ADAMTSL5: variants seen among roughly 807,000 people sequenced by gnomAD.
ADAMTSL5 encodes ADAMTS-like protein 5.
In ADAMTSL5, 53 loss-of-function variants were observed where a neutral mutation model predicts 51.7. The ratio of observed to expected loss-of-function variants is 1.03; its 90% CI spans 0.82 to 1.29. The LOEUF (loss-of-function observed/expected upper bound fraction) is 1.29. Among genes scored for constraint, ADAMTSL5 ranks in the 50% most tolerant of loss-of-function variants. ADAMTSL5 has a pLI of 0.00. For synonymous variants in ADAMTSL5, 285 were observed against 278.7 expected (o/e 1.02, Z -0.23); for missense variants, 770 against 676.2 (o/e 1.14, Z -1.54).
chr19:1,510,152 C>A lies in ADAMTSL5; in HGVS notation c.359G>T (p.Gly120Val), dbSNP rs777683885. Reference protein sequence around the residue: ...QKTYQWVPFHGAPNQCDLNCL... With the variant: ...QKTYQWVPFHVAPNQCDLNCL... ...CCACAGGAGACCAGACTACTCACCC[C>A]CATGGAAGGGCACCCACTGGTAGGT... Residue 120 changes from glycine to valine, a missense_variant and splice_region_variant, in exon 5 of 12, where the codon GGG (glycine) becomes GTG (valine). By Grantham distance (109) the Gly-to-Val change is moderately radical. Coordinates refer to ENST00000330475, the MANE Select transcript of ADAMTSL5 (RefSeq NM_213604.3). The A allele has an allele frequency of 2.5e-6, 4 of 1,609,868 alleles. No individual in the cohort carries two copies. The South Asian group carries it at 3.3e-5, about 13-fold the overall frequency.
chr19:1,506,570 G>A lies in ADAMTSL5; in HGVS notation c.1114+20C>T. The A allele has an allele frequency of 6.2e-7, 1 of 1,607,454 alleles. No individual in the cohort carries two copies. Among genetic ancestry groups the A allele is most frequent in the Non-Finnish European group, 8.5e-7 (1 of 1,177,400 alleles). On this transcript the variant is annotated intron_variant, in intron 11 of 11. Coordinates refer to ENST00000330475, the MANE Select transcript of ADAMTSL5 (RefSeq NM_213604.3). The surrounding 1 kb of genome is among the most constrained non-coding windows in gnomAD (Gnocchi z 5.6). ...CCAGGTTAGTAGGGGCTAAGTCAGG[G>A]TAGAGGTCGGGGGTCTCACCAAAGT...
In ADAMTSL5 at chr19:1,506,320, T is replaced by A. The variant is rs756774704; in HGVS notation, c.1115-4A>T. 6.5e-7 allele frequency: 1 copy of A among 1,544,994 alleles called. No homozygotes were observed. Among genetic ancestry groups the A allele is most frequent in the Admixed American group, 1.9e-5 (1 of 52,484 alleles). On this transcript the variant is annotated splice_polypyrimidine_tract_variant and splice_region_variant and intron_variant, in intron 11 of 11. Coordinates refer to ENST00000330475, the MANE Select transcript of ADAMTSL5 (RefSeq NM_213604.3). The surrounding 1 kb of genome is among the most constrained non-coding windows in gnomAD (Gnocchi z 5.6). ...CCCAGCACTCGGGCCTGGAACACTG[T>A]TGAGGGGACGTGCTAAGCTGGCTGG...
At position 1,506,770 on chromosome 19, in the gene ADAMTSL5, G is replaced by C; in HGVS notation, c.1011C>G (p.Val337=). 6.5e-7 allele frequency: 1 copy of C among 1,548,282 alleles called. No individual in the cohort carries two copies. The highest frequency in any genetic ancestry group is 8.7e-7 in the Non-Finnish European group (1 of 1,147,790). The change falls in exon 10 of 12, where the codon GTC becomes GTG. Residue 337 remains valine, a synonymous_variant. Coordinates refer to ENST00000330475, the MANE Select transcript of ADAMTSL5 (RefSeq NM_213604.3). This position sits in a 1 kb window ranked among gnomAD's most constrained non-coding sequence, Gnocchi z 5.6. ...CCAGCGTTGGGGTCTGTGCAGGGGT[G>C]ACAGCAGGGGCTGCGGGGGGCTGAG... ...VEPQPPAAPA[V]TPAQTPTLAP...
chr19:1,508,496 C>A lies in ADAMTSL5; in HGVS notation c.436G>T (p.Gly146Cys). The A allele has an allele frequency of 1.3e-6, 2 of 1,586,882 alleles. No individual in the cohort carries two copies. The highest frequency in any genetic ancestry group is 2.3e-5 in the East Asian group (1 of 44,148). ...FYHSFGRVLD[G>C]TACSPGAQGV... ...TGGGCACCCGGGCTGCAGGCGGTGC[C>A]GTCCAGGACGCGGCCGAAGCTGTGG... The change falls in exon 6 of 12, where the codon GGC becomes TGC. Residue 146 changes from glycine to cysteine, a missense_variant. Transcript: ENST00000330475.
rs139760970 is a variant in ADAMTSL5, at chr19:1,505,616, G to A, written c.*399C>T. 133 of 183,944 alleles carry A rather than the reference G, an allele frequency of 7.2e-4. No individual in the cohort carries two copies. The highest frequency in any genetic ancestry group is 9.7e-4 in the Non-Finnish European group (85 of 87,692). 11.4% of individuals were successfully genotyped at this position (183,944 alleles called of 1,614,324 possible). A position where few individuals can be genotyped will look rare whatever the true frequency, so the allele number is the denominator to read the frequency against. On this transcript the variant is annotated 3_prime_UTR_variant, in exon 12 of 12. Coordinates refer to ENST00000330475, the MANE Select transcript of ADAMTSL5 (RefSeq NM_213604.3). ...GAGAGCAGAGACAGCACAGTGTCTG[G>A]GAAGTAAACAGATGATCTTCTGGGT... is the stretch of plus-strand genomic sequence containing the variant.
rs1487263544 is a variant in ADAMTSL5 at position 1,510,696 on chromosome 19, G to T, written c.134C>A (p.Thr45Asn). 6.5e-7 allele frequency: 1 copy of T among 1,542,858 alleles called. No individual in the cohort carries two copies. Among genetic ancestry groups the T allele is most frequent in the Non-Finnish European group, 8.7e-7 (1 of 1,143,576 alleles). Residue 45 changes from threonine to asparagine, a missense_variant, in exon 3 of 12, where the codon ACC becomes AAC. Transcript: ENST00000330475. ...PGEWTPWVSW[T>N]RCSSSCGRGV... is the part of the protein sequence containing the mutation. ...ACGCCCGCAGGAGCTGGAGCAGCGG[G>T]TCCAGGACACCCACGGGGTCCACTC...
chr19:1,512,741 C>T (rs2145520381), intron 1 of ADAMTSL5, among the ~76,000 whole-genome samples: 1 of 152,260 alleles, frequency 6.6e-6, no homozygotes, highest in South Asian at 2.1e-4. Context: ...ACCACCCCCA[C>T]CGGACTCTAA....
intron 1 of ADAMTSL5, among the ~76,000 whole-genome samples, chr19:1,512,296 C>A (rs1222206166): frequency 2.0e-5 from 3 of 152,192 alleles, no homozygotes; most frequent in Non-Finnish European, 1.5e-5. Context: ...ACTGAGACAG[C>A]TGTGTGGTCT....
intron 1 of ADAMTSL5, among the ~76,000 whole-genome samples, chr19:1,512,433 C>A (rs1372658512): frequency 1.3e-5 from 2 of 152,070 alleles, no homozygotes; most frequent in African/African-American, 4.8e-5. Context: ...GTAATCCCAG[C>A]ACTTTGGGAG....
At chr19:1,507,160 C>A (rs1912979571) in intron 9 of ADAMTSL5, 82 bp downstream of exon 9, 3 of 1,498,978 alleles carry the variant, frequency 2.0e-6, no homozygotes, top group Non-Finnish European at 2.7e-6. Context: ...CCCCAGTCAC[C>A]TCCACTCCTA....
chr19:1,508,658 G>C (rs549820548), intron 5 of ADAMTSL5, 88 bp from the exon 6 acceptor site: 10 of 1,424,024 alleles, frequency 7.0e-6, no homozygotes, highest in Middle Eastern at 3.6e-4. Context: ...CCATCACTTT[G>C]GGCAGATGAA....
chr19:1,507,585 G>C lies in ADAMTSL5; in HGVS notation c.660C>G (p.Arg220=), dbSNP rs370977224. The change falls in exon 8 of 12, where the codon CGC becomes CGG. Residue 220 remains arginine (R), a synonymous_variant. Coordinates refer to ENST00000330475, the MANE Select transcript of ADAMTSL5 (RefSeq NM_213604.3). ...TLIPEGARHI[R]VEHRSRNHLA... is the part of the protein sequence containing the mutation. ...GGTGGTTGCGGCTCCTGTGTTCCAC[G>C]CGGATGTGTCTGGCGCCCTCGGGGA... The C allele has an allele frequency of 4.3e-6, 7 of 1,613,476 alleles. No individual in the cohort carries two copies. The highest frequency in any genetic ancestry group is 5.1e-6 in the Non-Finnish European group (6 of 1,180,004).
intron 5 of ADAMTSL5, 132 bp from the exon 6 acceptor site, chr19:1,508,702 C>A: frequency 7.6e-7 from 1 of 1,315,386 alleles, no homozygotes; most frequent in Non-Finnish European, 1.0e-6. Context: ...CACATCGAGG[C>A]TGAGGCAGAG....
intron 5 of ADAMTSL5, chr19:1,508,800 C>A (rs756305818): frequency 8.3e-6 from 4 of 481,810 alleles, no homozygotes; most frequent in Non-Finnish European, 1.4e-5. Context: ...TTCATTCATT[C>A]ATTCATTGTC....
intron 1 of ADAMTSL5, chr19:1,511,689 TG>T (rs1357695506): frequency 1.2e-6 from 1 of 814,710 alleles, no homozygotes; most frequent in South Asian, 1.4e-5. Context: ...ATCTGTGCAG[TG>T]GGGGCCAAGT....
rs1454876050 is a variant in ADAMTSL5, at chr19:1,508,451, G to C, written c.481C>G (p.Arg161Gly). ...GCCTGACGAGTCCTTACAAGGCAGC[G>C]GCCAGCCACGCAGACCCCCTGGGCA... ...PGAQGVCVAG[R>G]CLSAGCDGLL... Residue 161 changes from arginine (R) to glycine (G), a missense_variant, in exon 6 of 12, where the codon CGC becomes GGC. Transcript: ENST00000330475. 6.4e-7 allele frequency: 1 copy of C among 1,558,358 alleles called. No homozygotes were observed. The highest frequency in any genetic ancestry group is 8.6e-7 in the Non-Finnish European group (1 of 1,158,424).
chr19:1,509,374 C>T (rs776078565), intron 5 of ADAMTSL5, among the ~76,000 whole-genome samples: 40 of 151,838 alleles, frequency 2.6e-4, no homozygotes, highest in Non-Finnish European at 5.4e-4. Context: ...TGAGCTGTGT[C>T]GCTGGTCCTC....
At chr19:1,508,688 G>A (rs1017758691) in intron 5 of ADAMTSL5, 118 bp from the exon 6 acceptor site, 9 of 1,371,580 alleles carry the variant, frequency 6.6e-6, no homozygotes, top group African/African-American at 5.9e-5. Flanking sequence ...TTTGGCCAAA[G>A]CCACACATCG....
At chr19:1,511,488 A>G (rs1487203708) in intron 1 of ADAMTSL5, 2 of 1,106,916 alleles carry the variant, frequency 1.8e-6, no homozygotes, top group Non-Finnish European at 2.3e-6. Context: ...TATTATTGAT[A>G]TGTGTATTGT....
Sources: gnomAD v4.1 joint callset for allele counts (sites outside exome capture counted in the v4.1 genomes callset) on GRCh38, gnomAD v4.1.1 for gene constraint, Gnocchi (gnomAD v3.1) non-coding constraint, MANE v1.5 for transcripts, NCBI Gene and HGNC (gene_info 2026-07-23, HGNC 2026-07-21) for gene names.